Variants in NEGR1 observed in about 807,000 individuals in gnomAD.
The protein encoded by NEGR1 is IgLON family member 4.
A neutral mutation model predicts 40.9 loss-of-function variants in NEGR1; 10 were observed. The observed-to-expected ratio is 0.24, with a 90% CI of 0.15 to 0.42. The LOEUF (loss-of-function observed/expected upper bound fraction) is 0.42. Among genes scored for constraint, NEGR1 ranks in the 10% least tolerant of loss-of-function variants. The pLI, the probability that NEGR1 is intolerant of heterozygous loss-of-function variation, is 1.00. For synonymous variants in NEGR1, 185 were observed against 166.8 expected (o/e 1.11, Z -0.84); for missense variants, 352 against 438.9 (o/e 0.80, Z 1.77).
chr1:71,420,980 T>G (rs1166180908), intron 6 of NEGR1, among the ~76,000 whole-genome samples: 3 of 152,030 alleles, frequency 2.0e-5, no homozygotes, highest in Non-Finnish European at 4.4e-5. Context: ...CTGAAAGTAA[T>G]ATAATTAATT....
intron 4 of NEGR1, among the ~76,000 whole-genome samples, chr1:71,624,980 G>A (rs925794239): frequency 1.3e-5 from 2 of 151,904 alleles, no homozygotes; most frequent in Non-Finnish European, 2.9e-5. Flanking sequence ...TAAGACCAGT[G>A]CCTGAAGCAT....
intron 1 of NEGR1, among the ~76,000 whole-genome samples, chr1:72,186,332 C>T (rs750333833): frequency 2.4e-4 from 36 of 151,682 alleles, no homozygotes; most frequent in Non-Finnish European, 5.0e-4. Flanking sequence ...CCATAGTCTA[C>T]TTCCCACTCA....
intron 6 of NEGR1, among the ~76,000 whole-genome samples, chr1:71,500,470 A>G (rs1402097182): frequency 2.0e-5 from 3 of 152,056 alleles, no homozygotes; most frequent in East Asian, 1.9e-4. Flanking sequence ...GAATTAATCA[A>G]TTTCGTCACA....
intron 1 of NEGR1, among the ~76,000 whole-genome samples, chr1:72,245,914 T>A (rs1654888257): frequency 6.6e-6 from 1 of 152,166 alleles, no homozygotes; most frequent in Admixed American, 6.5e-5. Context: ...ATGTGACAAC[T>A]AACTCCTAAG....
chr1:71,879,178 A>G, intron 2 of NEGR1, among the ~76,000 whole-genome samples: 1 of 151,866 alleles, frequency 6.6e-6, no homozygotes, highest in Non-Finnish European at 1.5e-5. Context: ...TGAAAACCCT[A>G]TCTATTTGCC....
At chr1:72,232,160 C>T (rs1654387032) in intron 1 of NEGR1, among the ~76,000 whole-genome samples, 1 of 151,954 alleles carries the variant, frequency 6.6e-6, no homozygotes, top group South Asian at 2.1e-4. Flanking sequence ...TCGAGACCAG[C>T]TTGGCCGATA....
intron 1 of NEGR1, among the ~76,000 whole-genome samples, chr1:72,015,163 ATGT>A (rs1646697965): frequency 6.6e-6 from 1 of 152,144 alleles, no homozygotes; most frequent in Non-Finnish European, 1.5e-5. Context: ...GTAATTTAAT[ATGT>A]TAAGAAAAAG....
intron 2 of NEGR1, among the ~76,000 whole-genome samples, chr1:71,829,233 G>GT (rs966138857): frequency 4.6e-5 from 7 of 151,376 alleles, no homozygotes; most frequent in Admixed American, 1.3e-4. Flanking sequence ...TTTCCTTTGA[G>GT]TTTTTTTTCC....
intron 2 of NEGR1, among the ~76,000 whole-genome samples, chr1:71,810,760 C>T (rs1657972952): frequency 1.3e-5 from 2 of 152,060 alleles, no homozygotes; most frequent in African/African-American, 2.4e-5. Flanking sequence ...TCTCTTCCTC[C>T]TGCTCCAGCC....
chr1:72,071,558 G>T (rs1056241670), intron 1 of NEGR1, among the ~76,000 whole-genome samples: 1 of 151,998 alleles, frequency 6.6e-6, no homozygotes, highest in African/African-American at 2.4e-5. Context: ...ATCCCCATTA[G>T]AGTTTGCTAA....
chr1:71,814,238 GC>G (rs1428656730), intron 2 of NEGR1, among the ~76,000 whole-genome samples: 4 of 151,988 alleles, frequency 2.6e-5, no homozygotes, highest in African/African-American at 9.7e-5. Flanking sequence ...TGTTGAAACA[GC>G]CTTGTGTCCT....
intron 1 of NEGR1, among the ~76,000 whole-genome samples, chr1:72,134,890 A>AT (rs1650393054): frequency 6.6e-6 from 1 of 151,076 alleles, no homozygotes; most frequent in Admixed American, 6.6e-5. Flanking sequence ...GGCATGTTCC[A>AT]TAACACCCAG....
intron 1 of NEGR1, among the ~76,000 whole-genome samples, chr1:71,981,094 C>T (rs543942651): frequency 6.6e-6 from 1 of 152,074 alleles, no homozygotes; most frequent in African/African-American, 2.4e-5. Context: ...TCATTGTATC[C>T]CAAGAGCTAC....
chr1:71,810,969 G>A (rs1008534591), intron 2 of NEGR1, among the ~76,000 whole-genome samples: 3 of 152,028 alleles, frequency 2.0e-5, no homozygotes, highest in African/African-American at 7.2e-5. Context: ...TGTTTATTAA[G>A]GTATATATTT....
intron 1 of NEGR1, among the ~76,000 whole-genome samples, chr1:72,061,472 AT>A (rs144578301): frequency 1.7e-3 from 253 of 151,908 alleles, no homozygotes; most frequent in African/African-American, 5.9e-3. Context: ...ACATAGTATC[AT>A]TTTCATCCAC....
At chr1:71,874,790 G>A (rs779574081) in intron 2 of NEGR1, among the ~76,000 whole-genome samples, 2 of 152,098 alleles carry the variant, frequency 1.3e-5, no homozygotes, top group Non-Finnish European at 2.9e-5. Context: ...TCAATGTTCT[G>A]TGGATATTGA....
At chr1:71,613,132 C>CA (rs1441478523) in intron 4 of NEGR1, among the ~76,000 whole-genome samples, 1 of 152,082 alleles carries the variant, frequency 6.6e-6, no homozygotes, top group African/African-American at 2.4e-5. Context: ...GTAGGGAATG[C>CA]AGTAAGCAAG....
chr1:71,857,952 C>A (rs1178854915), intron 2 of NEGR1, among the ~76,000 whole-genome samples: 1 of 152,006 alleles, frequency 6.6e-6, no homozygotes, highest in Non-Finnish European at 1.5e-5. Context: ...TGCATGATTT[C>A]CTTTCCCTGG....
At chr1:71,636,117 A>T (rs1448061690) in intron 4 of NEGR1, among the ~76,000 whole-genome samples, 2 of 152,218 alleles carry the variant, frequency 1.3e-5, no homozygotes, top group African/African-American at 4.8e-5. Flanking sequence ...CAATCCTAAG[A>T]GTGGTATTGT....
Sources: allele counts gnomAD v4.1 joint callset (sites outside exome capture counted in the v4.1 genomes callset), GRCh38; gene constraint gnomAD v4.1.1; transcripts MANE v1.5; gene names NCBI Gene and HGNC (gene_info 2026-07-23, HGNC 2026-07-21).